The following DENND1B variants were observed in gnomAD, a reference collection of about 807,000 sequenced individuals.
DENND1B encodes the protein DENN domain containing 1B.
A neutral mutation model predicts 90.1 loss-of-function variants in DENND1B; 59 were observed. That is an observed-to-expected ratio of 0.65 (90% CI 0.53 to 0.81). The LOEUF (loss-of-function observed/expected upper bound fraction) is 0.81. DENND1B is among the 40% of genes least tolerant of loss of function. DENND1B has a pLI of 0.00. For synonymous variants in DENND1B, 337 were observed against 324.6 expected, an observed-to-expected ratio of 1.04 and a Z score of -0.41; for missense variants, 862 against 912.6, an observed-to-expected ratio of 0.94 and a Z score of 0.71.
chr1:197,590,811 T>C (rs535509388), intron 14 of DENND1B, among the ~76,000 whole-genome samples: 11 of 152,164 alleles, frequency 7.2e-5, no homozygotes, highest in Non-Finnish European at 1.3e-4. Context: ...GCCTTCAGGA[T>C]ATTCACAAAG....
At chr1:197,746,961 C>T in intron 2 of DENND1B, 1 of 1,187,408 alleles carries the variant, frequency 8.4e-7, no homozygotes, top group South Asian at 1.2e-5. Context: ...CAATATTCCA[C>T]CCCTCCACAG....
chr1:197,756,755 A>T (rs1031269059), intron 2 of DENND1B, among the ~76,000 whole-genome samples: 2 of 151,718 alleles, frequency 1.3e-5, no homozygotes, highest in African/African-American at 2.4e-5. Context: ...AAAACAGATG[A>T]ACATTAGATA....
At chr1:197,740,822 C>A (rs1663142021) in intron 2 of DENND1B, among the ~76,000 whole-genome samples, 1 of 152,102 alleles carries the variant, frequency 6.6e-6, no homozygotes, top group Non-Finnish European at 1.5e-5. Flanking sequence ...GTATGAAGGA[C>A]AAGCTGAAGA....
At chr1:197,752,940 C>T (rs1381600914) in intron 2 of DENND1B, among the ~76,000 whole-genome samples, 1 of 151,968 alleles carries the variant, frequency 6.6e-6, no homozygotes, top group Non-Finnish European at 1.5e-5. Context: ...CAGCTTCATC[C>T]ATGTCCCTGC....
chr1:197,654,647 T>A (rs1653617279), intron 6 of DENND1B, among the ~76,000 whole-genome samples: 1 of 151,340 alleles, frequency 6.6e-6, no homozygotes, highest in Non-Finnish European at 1.5e-5. Context: ...GATTTCAGGG[T>A]TCAATCAAAC....
intron 2 of DENND1B, among the ~76,000 whole-genome samples, chr1:197,737,644 T>C (rs1662825734): frequency 6.6e-6 from 1 of 152,312 alleles, no homozygotes; most frequent in South Asian, 2.1e-4. Context: ...ATGATTCTTA[T>C]TCATTTTTAG....
intron 20 of DENND1B, among the ~76,000 whole-genome samples, chr1:197,522,185 G>C (rs1668824252): frequency 6.6e-6 from 1 of 152,078 alleles, no homozygotes; most frequent in South Asian, 2.1e-4. Flanking sequence ...GAAGAGACAA[G>C]AGCTGAACAT....
chr1:197,583,792 C>A (rs573286472), intron 14 of DENND1B, among the ~76,000 whole-genome samples: 1 of 152,246 alleles, frequency 6.6e-6, no homozygotes, highest in South Asian at 2.1e-4. Flanking sequence ...TAATCCTTTG[C>A]GTTAAGTAAT....
intron 10 of DENND1B, among the ~76,000 whole-genome samples, chr1:197,624,635 T>C (rs960558628): frequency 1.3e-5 from 2 of 151,796 alleles, no homozygotes; most frequent in African/African-American, 4.8e-5. Flanking sequence ...GGAACACAGT[T>C]CCTCACCAGC....
chr1:197,554,347 T>C (rs1671516750), intron 15 of DENND1B, among the ~76,000 whole-genome samples: 2 of 152,080 alleles, frequency 1.3e-5, no homozygotes, highest in Non-Finnish European at 2.9e-5. Context: ...CTTCCATCTT[T>C]TGGATGCATC....
intron 20 of DENND1B, among the ~76,000 whole-genome samples, chr1:197,523,332 G>C (rs1201266546): frequency 6.6e-6 from 1 of 152,078 alleles, no homozygotes; most frequent in African/African-American, 2.4e-5. Context: ...TACTACCACT[G>C]AGCAGGGCAG....
chr1:197,622,565 GC>G (rs1678269190), intron 10 of DENND1B, among the ~76,000 whole-genome samples: 1 of 151,418 alleles, frequency 6.6e-6, no homozygotes, highest in East Asian at 1.9e-4. Flanking sequence ...TCAAACAAGA[GC>G]CATTGACCTT....
At chr1:197,554,564 G>A (rs1314197981) in intron 15 of DENND1B, among the ~76,000 whole-genome samples, 1 of 152,034 alleles carries the variant, frequency 6.6e-6, no homozygotes, top group Admixed American at 6.6e-5. Flanking sequence ...AATAGGCTGG[G>A]CGTGGTGGCT....
intron 2 of DENND1B, among the ~76,000 whole-genome samples, chr1:197,725,150 T>C (rs1286533214): frequency 6.6e-6 from 1 of 152,068 alleles, no homozygotes; most frequent in Non-Finnish European, 1.5e-5. Flanking sequence ...AAGACAGACA[T>C]GACTAGACAC....
chr1:197,733,451 T>C (rs767088040), intron 2 of DENND1B, among the ~76,000 whole-genome samples: 37 of 152,332 alleles, frequency 2.4e-4, no homozygotes, highest in Non-Finnish European at 3.5e-4. Context: ...CGGTCAGAGG[T>C]TAAACTGCTA....
intron 9 of DENND1B, among the ~76,000 whole-genome samples, chr1:197,644,445 AC>A (rs1680552380): frequency 1.3e-5 from 2 of 152,186 alleles, no homozygotes; most frequent in South Asian, 4.1e-4. Flanking sequence ...TTGTTAGTAA[AC>A]ATAAGAGAAA....
At chr1:197,673,318 G>A (rs1025646517) in intron 4 of DENND1B, among the ~76,000 whole-genome samples, 1 of 151,918 alleles carries the variant, frequency 6.6e-6, no homozygotes, top group Non-Finnish European at 1.5e-5. Flanking sequence ...GGTAAAACAA[G>A]GAGTATCATT....
At chr1:197,652,857 C>T (rs962794197) in intron 6 of DENND1B, among the ~76,000 whole-genome samples, 1 of 152,036 alleles carries the variant, frequency 6.6e-6, no homozygotes, top group African/African-American at 2.4e-5. Flanking sequence ...AAACATACAA[C>T]AAATCTACTT....
chr1:197,587,671 G>A (rs537715126), intron 14 of DENND1B, among the ~76,000 whole-genome samples: 48 of 152,130 alleles, frequency 3.2e-4, no homozygotes, highest in Non-Finnish European at 6.0e-4. Context: ...GGCACCAGAC[G>A]CGGGTTTTGT....
Sources: allele counts gnomAD v4.1 joint callset (sites outside exome capture counted in the v4.1 genomes callset), GRCh38; gene constraint gnomAD v4.1.1; transcripts MANE v1.5; gene names NCBI Gene and HGNC (gene_info 2026-07-23, HGNC 2026-07-21).